The following MARCHF10 variants were observed in gnomAD, a reference collection of about 807,000 sequenced individuals.
MARCHF10 encodes membrane associated ring-CH-type finger 10.
MARCHF10 carries 64 observed loss-of-function variants against 76.2 expected under a neutral mutation model. The observed-to-expected ratio is 0.84, with a 90% CI of 0.69 to 1.03. The LOEUF is 1.03. Among genes scored for constraint, MARCHF10 ranks in the 50% least tolerant of loss-of-function variants. The pLI is 0.00. For synonymous variants in MARCHF10, 340 were observed against 357.5 expected (o/e 0.95, Z 0.55); for missense variants, 875 against 958.0 (o/e 0.91, Z 1.14).
At chr17:62,793,145 TCAC>T (rs1315482149) in intron 2 of MARCHF10, among the ~76,000 whole-genome samples, 3 of 54,512 alleles carry the variant, frequency 5.5e-5, no homozygotes, top group African/African-American at 1.6e-4. Flanking sequence ...ATCACCACCA[TCAC>T]CACCACCATC....
chr17:62,766,276 A>G (rs2092329925), intron 3 of MARCHF10, among the ~76,000 whole-genome samples: 1 of 152,148 alleles, frequency 6.6e-6, no homozygotes, highest in Non-Finnish European at 1.5e-5. Flanking sequence ...CGAGGCAGGC[A>G]GATCACCTGA....
intron 2 of MARCHF10, among the ~76,000 whole-genome samples, chr17:62,800,947 C>T (rs939735210): frequency 1.3e-5 from 2 of 152,086 alleles, no homozygotes; most frequent in South Asian, 2.1e-4. Context: ...CAACGAAGGG[C>T]GTGTTATTTT....
intron 6 of MARCHF10, among the ~76,000 whole-genome samples, chr17:62,732,673 C>G (rs1359892097): frequency 6.6e-6 from 1 of 151,918 alleles, no homozygotes; most frequent in East Asian, 1.9e-4. Context: ...ATTTCTTAAG[C>G]AAGACAAGAT....
intron 9 of MARCHF10, 136 bp from the exon 10 acceptor site, chr17:62,705,717 G>T: frequency 9.4e-7 from 1 of 1,064,894 alleles, no homozygotes; most frequent in Non-Finnish European, 1.4e-6. Context: ...GGGCAGAGGT[G>T]CTGAGGGCTG....
intron 6 of MARCHF10, among the ~76,000 whole-genome samples, chr17:62,732,340 G>A (rs151116364): frequency 6.6e-6 from 1 of 152,186 alleles, no homozygotes. Flanking sequence ...AGTTATGAAA[G>A]CTGCAGGCAT....
intron 6 of MARCHF10, 99 bp from the exon 7 acceptor site, chr17:62,725,203 CTGG>C (rs1331920438): frequency 9.1e-7 from 1 of 1,097,558 alleles, no homozygotes; most frequent in African/African-American, 1.6e-5. Flanking sequence ...AAGAGGGCTC[CTGG>C]TACTCACCCG....
chr17:62,802,661 G>A (rs1181211369), intron 1 of MARCHF10, among the ~76,000 whole-genome samples: 1 of 152,312 alleles, frequency 6.6e-6, no homozygotes, highest in South Asian at 2.1e-4. Flanking sequence ...GGTCAGGCAA[G>A]GTTTTCCTTA....
intron 2 of MARCHF10, among the ~76,000 whole-genome samples, chr17:62,801,222 G>C (rs188118953): frequency 6.6e-6 from 1 of 152,064 alleles, no homozygotes; most frequent in South Asian, 2.1e-4. Context: ...GCAGTGGCGC[G>C]ATCTCGGCTT....
chr17:62,759,877 C>T lies in MARCHF10; in HGVS notation c.340G>A (p.Val114Ile). The T allele has an allele frequency of 6.2e-7, 1 of 1,614,132 alleles. No individual in the cohort carries two copies. Among genetic ancestry groups the T allele is most frequent in the Non-Finnish European group, 8.5e-7 (1 of 1,180,038 alleles). Residue 114 changes from valine (V) to isoleucine (I), a missense_variant, in exon 4 of 11, where the codon GTA becomes ATA. By Grantham distance (29) the Val-to-Ile change is conservative. Coordinates refer to ENST00000311269, the MANE Select transcript of MARCHF10 (RefSeq NM_152598.4). Reference protein sequence around the residue: ...VKQKHKSTMTVRKAEKVDPSE... With the variant: ...VKQKHKSTMTIRKAEKVDPSE... ...GGGTCCACTTTCTCTGCTTTCCTTA[C>T]AGTCATGGTACTTTTATGTTTCTGC... is the stretch of plus-strand genomic sequence containing the variant.
chr17:62,788,661 G>A, intron 2 of MARCHF10, 62 bp from the exon 3 acceptor site: 2 of 1,604,898 alleles, frequency 1.2e-6, no homozygotes. Flanking sequence ...GTAACTTTAT[G>A]CTTAACTCCA....
intron 1 of MARCHF10, among the ~76,000 whole-genome samples, chr17:62,807,070 T>C (rs1598104071): frequency 1.3e-5 from 2 of 152,170 alleles, no homozygotes; most frequent in African/African-American, 2.4e-5. Context: ...GGCTCGAAAA[T>C]TACTCCCTTT....
intron 10 of MARCHF10, among the ~76,000 whole-genome samples, chr17:62,702,375 C>T (rs1050029167): frequency 2.1e-5 from 3 of 146,282 alleles, no homozygotes; most frequent in Non-Finnish European, 4.5e-5. Flanking sequence ...TTAAGCCAGG[C>T]GTGGTGGCTC....
chr17:62,797,940 G>A (rs768779063), intron 2 of MARCHF10, among the ~76,000 whole-genome samples: 3 of 152,176 alleles, frequency 2.0e-5, no homozygotes, highest in Non-Finnish European at 2.9e-5. Context: ...TAACTGGTGG[G>A]ATGGGGATGA....
chr17:62,774,899 C>G lies in MARCHF10; in HGVS notation c.210+13581G>C, dbSNP rs144895472. 9.0e-4 allele frequency among the ~76,000 whole-genome samples: 137 copies of G among 151,898 alleles called. 1 individual carries two copies. The highest frequency in any genetic ancestry group is 3.2e-3 in the African/African-American group (133 of 41,462). On this transcript the variant is annotated intron_variant, in intron 3 of 10. Transcript: ENST00000311269. ...TGAACTCCTGCCTCTACTAAAAATA[C>G]AAAAATTAGCCGGGTGTGGTAGCTT...
intron 2 of MARCHF10, among the ~76,000 whole-genome samples, chr17:62,791,691 G>A (rs542500504): frequency 4.6e-5 from 7 of 152,336 alleles, no homozygotes; most frequent in Non-Finnish European, 1.0e-4. Flanking sequence ...TTGCTGAGAA[G>A]GAACACAGGG....
intron 6 of MARCHF10, among the ~76,000 whole-genome samples, chr17:62,726,318 A>G (rs2090755193): frequency 6.6e-6 from 1 of 152,250 alleles, no homozygotes; most frequent in Admixed American, 6.5e-5. Context: ...ACTAAAATCA[A>G]AAGAGGAAGA....
chr17:62,783,548 A>G (rs956554023), intron 3 of MARCHF10, among the ~76,000 whole-genome samples: 1 of 152,198 alleles, frequency 6.6e-6, no homozygotes, highest in African/African-American at 2.4e-5. Context: ...AAGGAGACAG[A>G]CATACAAAAA....
At chr17:62,754,115 C>T (rs2091974097) in intron 4 of MARCHF10, among the ~76,000 whole-genome samples, 1 of 152,132 alleles carries the variant, frequency 6.6e-6, no homozygotes, top group Non-Finnish European at 1.5e-5. Flanking sequence ...CTCTGTCGCC[C>T]AGGCTGGAGT....
intron 8 of MARCHF10, among the ~76,000 whole-genome samples, chr17:62,713,870 A>G (rs1224710791): frequency 6.6e-6 from 1 of 152,182 alleles, no homozygotes; most frequent in African/African-American, 2.4e-5. Context: ...GGCATGTGAA[A>G]CAGCGCAAAA....
Sources: allele counts gnomAD v4.1 joint callset (sites outside exome capture counted in the v4.1 genomes callset), GRCh38; gene constraint gnomAD v4.1.1; transcripts MANE v1.5; gene names NCBI Gene and HGNC (gene_info 2026-07-23, HGNC 2026-07-21).